Variants in SNX24 observed in about 807,000 individuals in gnomAD.
SNX24 encodes sorting nexin 24, also known as sorting nexin-24.
SNX24 carries 22 observed loss-of-function variants against 28.7 expected under a neutral mutation model. The ratio of observed to expected loss-of-function variants is 0.77; its 90% confidence interval spans 0.55 to 1.10. The LOEUF is 1.10. Ranked by LOEUF, SNX24 falls within the 50% of genes least tolerant of loss-of-function variation. The pLI is 0.00. For synonymous variants in SNX24, 69 were observed against 71.5 expected (o/e 0.96, Z 0.18); for missense variants, 221 against 201.1 (o/e 1.10, Z -0.60).
intron 3 of SNX24, among the ~76,000 whole-genome samples, chr5:122,987,337 C>G (rs1223330402): frequency 6.6e-6 from 1 of 152,094 alleles, no homozygotes; most frequent in Non-Finnish European, 1.5e-5. Flanking sequence ...CACCCAAGAC[C>G]AGCTAGATCA....
At chr5:122,956,157 T>C (rs1017229679) in intron 3 of SNX24, among the ~76,000 whole-genome samples, 4 of 151,988 alleles carry the variant, frequency 2.6e-5, no homozygotes, top group African/African-American at 9.7e-5. Context: ...AAAGATAAAA[T>C]TCATCACTGT....
chr5:122,913,870 G>T (rs1329958175), intron 1 of SNX24, among the ~76,000 whole-genome samples: 1 of 152,196 alleles, frequency 6.6e-6, no homozygotes, highest in Non-Finnish European at 1.5e-5. Flanking sequence ...CACCTTGGGA[G>T]GCCGAGGCTG....
chr5:122,912,751 T>A (rs1757947345), intron 1 of SNX24, among the ~76,000 whole-genome samples: 2 of 150,732 alleles, frequency 1.3e-5, no homozygotes, highest in Non-Finnish European at 2.9e-5. Flanking sequence ...TTTTTTTTTT[T>A]AATTGATCAT....
At chr5:123,006,268 CT>C (rs1191762484) in intron 6 of SNX24, among the ~76,000 whole-genome samples, 1 of 152,178 alleles carries the variant, frequency 6.6e-6, no homozygotes, top group East Asian at 1.9e-4. Flanking sequence ...TTTTACTCCT[CT>C]TCTGGGTCTT....
chr5:122,924,268 A>G (rs571240008), intron 1 of SNX24, among the ~76,000 whole-genome samples: 2 of 152,376 alleles, frequency 1.3e-5, no homozygotes, highest in South Asian at 2.1e-4. Flanking sequence ...ATAAAAAATT[A>G]TAGCAATACA....
intron 3 of SNX24, among the ~76,000 whole-genome samples, chr5:122,962,967 CT>C (rs1760548632): frequency 6.6e-6 from 1 of 152,168 alleles, no homozygotes; most frequent in South Asian, 2.1e-4. Context: ...GGCATGGTGG[CT>C]CATGCCTGTA....
chr5:123,012,149 G>C (rs1297062149), downstream of SNX24, among the ~76,000 whole-genome samples: 1 of 152,126 alleles, frequency 6.6e-6, no homozygotes, highest in Non-Finnish European at 1.5e-5. Context: ...TAAGTTTCCT[G>C]AGGCCTCCCC....
At chr5:122,960,909 A>T (rs937050954) in intron 3 of SNX24, among the ~76,000 whole-genome samples, 4 of 152,216 alleles carry the variant, frequency 2.6e-5, no homozygotes, top group African/African-American at 9.7e-5. Flanking sequence ...TTACTATCTT[A>T]GAATTATTAT....
Position 122,968,036 on chromosome 5 carries a change from A to G in SNX24, c.249+21877A>G, listed in dbSNP as rs147898538. Among the ~76,000 whole-genome samples, 403 of 152,340 alleles carry G rather than the reference A, an allele frequency of 2.6e-3. 1 individual carries two copies. The highest frequency in any genetic ancestry group is 0.01 in the Middle Eastern group (3 of 294). ...AACATGGATGTTTTTAAAAATGTCT[A>G]TTATTATGGGATGTTGTTGCCAGAA... is the stretch of plus-strand genomic sequence containing the variant. On this transcript the variant is annotated intron_variant, in intron 3 of 6. Coordinates refer to ENST00000261369, the MANE Select transcript of SNX24 (RefSeq NM_014035.4).
rs558558730 is a variant in SNX24 at position 122,887,173 on chromosome 5, A to T, written c.60+41480A>T. On this transcript the variant is annotated intron_variant, in intron 1 of 6. Coordinates refer to ENST00000261369, the MANE Select transcript of SNX24 (RefSeq NM_014035.4). ...TAAGTTAGACAGTTATCCTAACTGT[A>T]CCTATACTCTGGGTGGAGAGTTTAG... 2.0e-5 allele frequency among the ~76,000 whole-genome samples: 3 copies of T among 152,328 alleles called. No homozygotes were observed. In the South Asian group the frequency reaches 6.2e-4, roughly 32 times the overall value.
intron 3 of SNX24, among the ~76,000 whole-genome samples, chr5:122,949,332 ATT>A (rs1759833039): frequency 6.6e-6 from 1 of 152,138 alleles, no homozygotes; most frequent in South Asian, 2.1e-4. Context: ...ATAAATACAT[ATT>A]TTCTTTTATG....
downstream of SNX24, among the ~76,000 whole-genome samples, chr5:123,012,745 T>G (rs903843965): frequency 1.3e-5 from 2 of 152,242 alleles, no homozygotes; most frequent in Non-Finnish European, 2.9e-5. Flanking sequence ...GGTAGCACTG[T>G]CTGTCGTGGG....
chr5:122,967,241 A>G (rs1171066820), intron 3 of SNX24, among the ~76,000 whole-genome samples: 1 of 152,282 alleles, frequency 6.6e-6, no homozygotes, highest in East Asian at 1.9e-4. Context: ...CCTCACCACC[A>G]TACTAGCTCA....
In SNX24 at chr5:122,954,477, A is replaced by AT. The variant is rs572713602; in HGVS notation, c.249+8328dup. Among the ~76,000 whole-genome samples the AT allele has an allele frequency of 5.2e-3, 759 of 146,178 alleles. 6 individuals carry two copies. Among genetic ancestry groups the AT allele is most frequent in the African/African-American group, 0.016 (657 of 39,890 alleles). On this transcript the variant is annotated intron_variant, in intron 3 of 6. Coordinates refer to ENST00000261369, the MANE Select transcript of SNX24 (RefSeq NM_014035.4). ...TGCTATCACTCCATCTTTTTCTATG[A>AT]TTTTTTTTTTGTCTGCTTTTGGATT...
At chr5:122,888,423 ACATTTCTGTGCCT>A (rs1611072) in intron 1 of SNX24, among the ~76,000 whole-genome samples, 118,086 of 152,020 alleles carry the variant, frequency 0.78, 46,902 homozygotes, top group East Asian at 0.99. Context: ...ATATTATTTA[ACATTTCTGTGCCT>A]CAGTTCCTCA....
At chr5:122,981,469 A>G (rs1295937107) in intron 3 of SNX24, among the ~76,000 whole-genome samples, 2 of 152,252 alleles carry the variant, frequency 1.3e-5, no homozygotes, top group Non-Finnish European at 2.9e-5. Context: ...TAAAATGCAC[A>G]TATTATAAGT....
At chr5:122,988,697 C>G (rs1269263233) in intron 3 of SNX24, among the ~76,000 whole-genome samples, 4 of 152,054 alleles carry the variant, frequency 2.6e-5, no homozygotes, top group Admixed American at 6.6e-5. Flanking sequence ...TTTAAAAGAC[C>G]AAATTTGGGA....
intron 6 of SNX24, among the ~76,000 whole-genome samples, chr5:123,002,898 G>A (rs772610368): frequency 5.9e-5 from 9 of 152,112 alleles, no homozygotes; most frequent in Non-Finnish European, 1.2e-4. Flanking sequence ...TGTGAACTAA[G>A]CAGGGCAGAT....
At chr5:122,956,793 G>A (rs529987192) in intron 3 of SNX24, among the ~76,000 whole-genome samples, 45 of 152,160 alleles carry the variant, frequency 3.0e-4, no homozygotes, top group Middle Eastern at 3.4e-3. Flanking sequence ...CGCTGATGTT[G>A]AGCATCTTTT....
Sources: gnomAD v4.1 joint callset for allele counts (sites outside exome capture counted in the v4.1 genomes callset) on GRCh38, gnomAD v4.1.1 for gene constraint, MANE v1.5 for transcripts, NCBI Gene and HGNC (gene_info 2026-07-23, HGNC 2026-07-21) for gene names.